Variants in PHACTR2 observed in about 807,000 individuals in gnomAD.
PHACTR2 encodes the protein phosphatase and actin regulator 2.
Under a neutral mutation model 76.0 loss-of-function variants are expected in PHACTR2, and 30 were observed. That is an observed-to-expected ratio of 0.39 (90% CI 0.30 to 0.54). The LOEUF is 0.54. Among genes scored for constraint, PHACTR2 ranks in the 20% least tolerant of loss-of-function variants. The probability of loss-of-function intolerance (pLI) is 0.61; values close to 1 mark genes in which losing one functional copy is unlikely to be tolerated. For synonymous variants in PHACTR2, 292 were observed against 292.5 expected, an observed-to-expected ratio of 1.00 and a Z score of 0.02; for missense variants, 696 against 781.1, an observed-to-expected ratio of 0.89 and a Z score of 1.30.
Position 143,761,524 on chromosome 6 carries a change from C to T in PHACTR2, c.694+884C>T, listed in dbSNP as rs554995460. On this transcript the variant is annotated intron_variant, in intron 5 of 12. Transcript: ENST00000440869. This position sits in a 1 kb window ranked among gnomAD's most constrained non-coding sequence, Gnocchi z 5.2. ...ATCCCAGCACTTTGGGAGGCTGATG[C>T]GGATCGATCACTTGAGGTCAGGAGT... Among the ~76,000 whole-genome samples, 4 of 152,108 alleles carry T rather than the reference C, an allele frequency of 2.6e-5. No homozygotes were observed. The highest frequency in any genetic ancestry group is 2.4e-5 in the African/African-American group (1 of 41,412).
At chr6:143,586,637 C>A (rs186336007) in intron 1 of PHACTR2, among the ~76,000 whole-genome samples, 1 of 152,304 alleles carries the variant, frequency 6.6e-6, no homozygotes, top group East Asian at 1.9e-4. Flanking sequence ...CATATTTATA[C>A]CCAGTTTTAA....
At chr6:143,691,766 A>C (rs889211652) in intron 1 of PHACTR2, among the ~76,000 whole-genome samples, 9 of 152,212 alleles carry the variant, frequency 5.9e-5, no homozygotes, top group African/African-American at 2.2e-4. Context: ...ATAGCTGTTT[A>C]ATAATGAGAA....
chr6:143,548,842 T>A lies in PHACTR2; in HGVS notation c.217+11635T>A, dbSNP rs576675066. Among the ~76,000 whole-genome samples, 1 of 152,118 alleles carries A rather than the reference T, an allele frequency of 6.6e-6. No individual in the cohort carries two copies. Among genetic ancestry groups the A allele is most frequent in the East Asian group, 1.9e-4 (1 of 5,190 alleles). Reference sequence around the variant, plus strand: ...TATGTGAAATAAGGAAGCATTTTTTTAACATAACAAAGTGGATGTTTCATT... The same window carrying A: ...TATGTGAAATAAGGAAGCATTTTTTAAACATAACAAAGTGGATGTTTCATT... On this transcript the variant is annotated intron_variant, in intron 1 of 11. Transcript: ENST00000367584. This position sits in a 1 kb window ranked among gnomAD's most constrained non-coding sequence, Gnocchi z 4.5.
rs1195359336 is a variant in PHACTR2 at position 143,671,065 on chromosome 6, G to A, written c.14-40951G>A. 2.6e-5 allele frequency among the ~76,000 whole-genome samples: 4 copies of A among 151,992 alleles called. No homozygotes were observed. Among genetic ancestry groups the A allele is most frequent in the Non-Finnish European group, 5.9e-5 (4 of 67,994 alleles). On this transcript the variant is annotated intron_variant, in intron 1 of 11. Transcript: ENST00000305766. This position sits in a 1 kb window ranked among gnomAD's most constrained non-coding sequence, Gnocchi z 4.6. Reference sequence around the variant, plus strand: ...CTGCCTCAGCCTCCCGAGTAGCTGGGATTACAGGAATGCGCCACCATGCCC... The same window carrying A: ...CTGCCTCAGCCTCCCGAGTAGCTGGAATTACAGGAATGCGCCACCATGCCC...
Position 143,645,047 on chromosome 6 carries a change from C to G in PHACTR2, c.13+36725C>G, listed in dbSNP as rs973878030. Among the ~76,000 whole-genome samples, 8 of 148,194 alleles carry G rather than the reference C, an allele frequency of 5.4e-5. No individual in the cohort carries two copies. In the Middle Eastern group the frequency reaches 0.01, roughly 189 times the overall value. On this transcript the variant is annotated intron_variant, in intron 1 of 11. Transcript: ENST00000305766. The stretch of plus-strand genomic sequence containing the variant: ...CCTTTGCATCTTCATAAGTTAGTTC[C>G]CACTTATGAGTGAGAACATACAACT...
In PHACTR2 at chr6:143,664,497, G is replaced by A. The variant is rs1199749758; in HGVS notation, c.14-47519G>A. On this transcript the variant is annotated intron_variant, in intron 1 of 11. Transcript: ENST00000305766. This position sits in a 1 kb window ranked among gnomAD's most constrained non-coding sequence, Gnocchi z 5.1. ...TTTTCTTTCATTTTCTCATTATTTG[G>A]ATTAGTGAAGCTTTCTTTAATCCCC... Among the ~76,000 whole-genome samples, 1 of 151,876 alleles carries A rather than the reference G, an allele frequency of 6.6e-6. No homozygotes were observed. Among genetic ancestry groups the A allele is most frequent in the Non-Finnish European group, 1.5e-5 (1 of 67,968 alleles).
intron 12 of PHACTR2, among the ~76,000 whole-genome samples, chr6:143,810,255 A>G (rs1776147794): frequency 1.3e-5 from 2 of 152,220 alleles, no homozygotes. Context: ...TATTAAAACA[A>G]TGTTGCCTTG....
chr6:143,784,019 C>T lies in PHACTR2; in HGVS notation c.1707+739C>T, dbSNP rs1261697403. On this transcript the variant is annotated intron_variant, in intron 10 of 12. Transcript: ENST00000440869. This position sits in a 1 kb window ranked among gnomAD's most constrained non-coding sequence, Gnocchi z 4.5. ...AAAAGAATTAATTGAAAATTAATCT[C>T]GCTTGATTAGAACAATGAAAAAAAA... is the stretch of plus-strand genomic sequence containing the variant. Among the ~76,000 whole-genome samples the T allele has an allele frequency of 5.0e-5, 7 of 139,742 alleles. No individual in the cohort carries two copies. The highest frequency in any genetic ancestry group is 2.1e-4 in the East Asian group (1 of 4,868). 91.7% of individuals were successfully genotyped at this position (139,742 alleles called of 152,430 possible).
chr6:143,768,224 A>G (rs900953254), intron 6 of PHACTR2, among the ~76,000 whole-genome samples: 3 of 152,214 alleles, frequency 2.0e-5, no homozygotes, highest in Non-Finnish European at 1.5e-5. Flanking sequence ...AAATGTCTTC[A>G]TTTAACTATA....
intron 1 of PHACTR2, among the ~76,000 whole-genome samples, chr6:143,665,090 C>T (rs936126308): frequency 1.3e-5 from 2 of 152,138 alleles, no homozygotes; most frequent in African/African-American, 4.8e-5. Context: ...TGAGCCACCG[C>T]ACCCAGCCTG....
rs1776553157 is a variant in PHACTR2, at chr6:143,827,158, ATATATAT to A, written c.*3470_*3476del. The A allele has an allele frequency of 6.2e-4, 21 of 33,804 alleles. No homozygotes were observed. Among genetic ancestry groups the A allele is most frequent in the Non-Finnish European group, 1.0e-3 (18 of 17,312 alleles). 2.1% of individuals were successfully genotyped at this position (33,804 alleles called of 1,614,324 possible). On this transcript the variant is annotated 3_prime_UTR_variant, in exon 13 of 13. Transcript: ENST00000440869. ...CTGCGTTGGCATTAAAAAAGAAAAT[ATATATAT>A]ATATATATATATATATATATATATA...
In PHACTR2 at chr6:143,743,928, A is replaced by G. The variant is rs1437636640; in HGVS notation, c.215-5057A>G. On this transcript the variant is annotated intron_variant, in intron 2 of 12. Transcript: ENST00000440869. This position sits in a 1 kb window ranked among gnomAD's most constrained non-coding sequence, Gnocchi z 5.0. ...CTCTCACAGATATTTCCAGAGTAAT[A>G]TGAAATCCCAGCCAAGTATCCGCAG... 6.6e-6 allele frequency among the ~76,000 whole-genome samples: 1 copy of G among 152,252 alleles called. No individual in the cohort carries two copies.
At chr6:143,690,035 T>C (rs1777606183) in intron 1 of PHACTR2, among the ~76,000 whole-genome samples, 1 of 152,204 alleles carries the variant, frequency 6.6e-6, no homozygotes, top group Non-Finnish European at 1.5e-5. Context: ...TTATCAGTCA[T>C]CCATGTAATA....
At chr6:143,702,318 G>A (rs561738404) in intron 1 of PHACTR2, among the ~76,000 whole-genome samples, 4 of 151,936 alleles carry the variant, frequency 2.6e-5, no homozygotes, top group East Asian at 3.9e-4. Context: ...CATGTTGGCC[G>A]GGATGGTCTC....
At position 143,825,293 on chromosome 6, in the gene PHACTR2, G is replaced by A. The variant is rs1453556161; in HGVS notation, c.*1604G>A. On this transcript the variant is annotated 3_prime_UTR_variant, in exon 13 of 13. Coordinates refer to ENST00000440869, the MANE Select transcript of PHACTR2 (RefSeq NM_001100164.2). This position sits in a 1 kb window ranked among gnomAD's most constrained non-coding sequence, Gnocchi z 4.1. ...TAAGCATTTAACCCGGTGAATAAATGTAGATCCTGCCATTCATTGGTATTT... is the reference window on the plus strand; with the variant it reads ...TAAGCATTTAACCCGGTGAATAAATATAGATCCTGCCATTCATTGGTATTT... 3 of 152,182 alleles carry A rather than the reference G, an allele frequency of 2.0e-5. No individual in the cohort carries two copies. Among genetic ancestry groups the A allele is most frequent in the Non-Finnish European group, 4.4e-5 (3 of 68,034 alleles). The allele number at this position is 152,182 out of a possible 1,614,324, so 9.4% of individuals were successfully genotyped here. A position where few individuals can be genotyped will look rare whatever the true frequency, so the allele number is the denominator to read the frequency against.
At chr6:143,763,502 G>A (rs1220245172) in intron 5 of PHACTR2, among the ~76,000 whole-genome samples, 1 of 152,214 alleles carries the variant, frequency 6.6e-6, no homozygotes, top group Non-Finnish European at 1.5e-5. Flanking sequence ...AGTAAATGTA[G>A]ACTGGACTTA....
intron 2 of PHACTR2, among the ~76,000 whole-genome samples, chr6:143,748,402 C>T (rs1373200214): frequency 6.6e-6 from 1 of 152,202 alleles, no homozygotes; most frequent in Non-Finnish European, 1.5e-5. Flanking sequence ...CTCCATCCTC[C>T]TAAGACCTGG....
Position 143,548,278 on chromosome 6 carries a change from A to AGGTACAGTAAGGACAACAATAAC in PHACTR2, c.217+11071_217+11072insGGTACAGTAAGGACAACAATAAC, listed in dbSNP as rs1554286605. ...ACCCTCAATACCTCATCTAATCCTT[A>AGGTACAGTAAGGACAACAATAAC]TTACCTCCCAAAGACTCCACCTCAT... On this transcript the variant is annotated intron_variant, in intron 1 of 11. Coordinates refer to the PHACTR2 transcript ENST00000367584. The surrounding 1 kb of genome is among the most constrained non-coding windows in gnomAD (Gnocchi z 4.5). Among the ~76,000 whole-genome samples, 2 of 150,170 alleles carry AGGTACAGTAAGGACAACAATAAC rather than the reference A, an allele frequency of 1.3e-5. No individual in the cohort carries two copies. The highest frequency in any genetic ancestry group is 2.4e-5 in the African/African-American group (1 of 41,298).
At chr6:143,756,116 A>G (rs1462158475) in intron 4 of PHACTR2, among the ~76,000 whole-genome samples, 2 of 152,112 alleles carry the variant, frequency 1.3e-5, no homozygotes, top group East Asian at 1.9e-4. Flanking sequence ...AGAGCCCTAG[A>G]TGTGTATTAT....
Sources: allele counts gnomAD v4.1 joint callset (sites outside exome capture counted in the v4.1 genomes callset), GRCh38; gene constraint gnomAD v4.1.1; non-coding constraint Gnocchi (gnomAD v3.1); transcripts MANE v1.5; gene names NCBI Gene and HGNC (gene_info 2026-07-23, HGNC 2026-07-21).